The following TRIP10 variants were observed in gnomAD, a reference collection of about 807,000 sequenced individuals.
The protein encoded by TRIP10 is cdc42-interacting protein 4.
TRIP10 carries 54 observed loss-of-function variants against 80.9 expected under a neutral mutation model. The ratio of observed to expected loss-of-function variants is 0.67; its 90% CI spans 0.54 to 0.84. The LOEUF (loss-of-function observed/expected upper bound fraction) is 0.84. Ranked by LOEUF, TRIP10 falls within the 40% of genes least tolerant of loss-of-function variation. TRIP10 has a pLI of 0.00. For synonymous variants in TRIP10, 321 were observed against 307.2 expected, an observed-to-expected ratio of 1.04 and a Z score of -0.47; for missense variants, 773 against 815.3, an observed-to-expected ratio of 0.95 and a Z score of 0.63.
rs756791983 is a variant in TRIP10, at chr19:6,750,538, G to C, written c.1562G>C (p.Ser521Thr). Residue 521 changes from serine (S) to threonine (T), a missense_variant, in exon 14 of 15, where the codon AGC becomes ACC. Coordinates refer to ENST00000313244, the MANE Select transcript of TRIP10 (RefSeq NM_001288962.2). The stretch of plus-strand genomic sequence containing the variant: ...TCTGAAGAGCCTCCCTCAGAAGAGA[G>C]CCAGGACACCCCCATTTACACGGAG... ...ESSEEPPSEE[S>T]QDTPIYTEFD... is the part of the protein sequence containing the mutation. The C allele has an allele frequency of 2.5e-6, 4 of 1,614,218 alleles. No individual in the cohort carries two copies. The highest frequency in any genetic ancestry group is 3.4e-6 in the Non-Finnish European group (4 of 1,180,034).
intron 6 of TRIP10, 51 bp downstream of exon 6, chr19:6,743,649 G>C: frequency 1.9e-6 from 3 of 1,611,646 alleles, no homozygotes; most frequent in Non-Finnish European, 2.5e-6. Context: ...ACAAGCTTGG[G>C]GAGTCCGAGT....
At position 6,749,946 on chromosome 19, in the gene TRIP10, GAA is replaced by G; in HGVS notation, c.1278_1279del (p.Lys426AsnfsTer6). 1 of 1,614,004 alleles carries G rather than the reference GAA, an allele frequency of 6.2e-7. No homozygotes were observed. The highest frequency in any genetic ancestry group is 8.5e-7 in the Non-Finnish European group (1 of 1,179,960). On this transcript the variant is annotated frameshift_variant, in exon 12 of 15. Transcript: ENST00000313244. LOFTEE classifies it high-confidence loss of function. ...KEVDQREALK[K>X]MKDVYEKTPQ... Reference sequence around the variant, plus strand: ...TCCCTTGTCATAGGGAAGCCCTAAAGAAAATGAAGGATGTCTATGAGAAGACA... The same window carrying G: ...TCCCTTGTCATAGGGAAGCCCTAAAGAATGAAGGATGTCTATGAGAAGACA...
rs573741547 is a variant in TRIP10, at chr19:6,746,256, C to T, written c.1152+60C>T. On this transcript the variant is annotated intron_variant, in intron 10 of 14. Coordinates refer to ENST00000313244, the MANE Select transcript of TRIP10 (RefSeq NM_001288962.2). The surrounding 1 kb of genome is among the most constrained non-coding windows in gnomAD (Gnocchi z 6.2). ...CCCTAGCCTGCCCAGCGGCGGGTGG[C>T]GGGACCCTGGGCTCGCTTCCTGCCG... The T allele has an allele frequency of 3.6e-5, 53 of 1,482,418 alleles. No homozygotes were observed. The highest frequency in any genetic ancestry group is 4.7e-5 in the Non-Finnish European group (52 of 1,110,642). 91.8% of individuals were successfully genotyped at this position (1,482,418 alleles called of 1,614,324 possible).
At chr19:6,743,428 C>T (rs1030493290) in intron 5 of TRIP10, 66 bp from the exon 6 acceptor site, 2 of 1,582,514 alleles carry the variant, frequency 1.3e-6, no homozygotes, top group African/African-American at 1.3e-5. Context: ...TCCCTGAAAC[C>T]TTGGTTTCCC....
Position 6,746,777 on chromosome 19 carries a change from C to T in TRIP10, c.1262+216C>T, listed in dbSNP as rs935725289. The stretch of plus-strand genomic sequence containing the variant: ...AAGCAATTCTTGTGCCTCAGCCTGC[C>T]GATTAGCTAGGACCACAGGCATGCA... On this transcript the variant is annotated intron_variant, in intron 11 of 14. Coordinates refer to ENST00000313244, the MANE Select transcript of TRIP10 (RefSeq NM_001288962.2). This position sits in a 1 kb window ranked among gnomAD's most constrained non-coding sequence, Gnocchi z 6.2. 2.0e-5 allele frequency among the ~76,000 whole-genome samples: 3 copies of T among 152,072 alleles called. No homozygotes were observed. Among genetic ancestry groups the T allele is most frequent in the African/African-American group, 7.3e-5 (3 of 41,374 alleles).
chr19:6,749,581 G>C (rs1427426557), intron 11 of TRIP10, among the ~76,000 whole-genome samples: 1 of 151,014 alleles, frequency 6.6e-6, no homozygotes. Flanking sequence ...ATCACATGGA[G>C]CCCGGTGCTG....
rs558872706 is a variant in TRIP10 at position 6,745,447 on chromosome 19, T to G, written c.984+453T>G. 3.7e-4 allele frequency among the ~76,000 whole-genome samples: 57 copies of G among 152,262 alleles called. No individual in the cohort carries two copies. The highest frequency in any genetic ancestry group is 1.4e-3 in the African/African-American group (57 of 41,544). ...TTTATACTTTGGGTCCCTCTTCACTTACACTCTCATACCTCTCCTTGACTT... is the reference window on the plus strand; with the variant it reads ...TTTATACTTTGGGTCCCTCTTCACTGACACTCTCATACCTCTCCTTGACTT... On this transcript the variant is annotated intron_variant, in intron 9 of 14. Coordinates refer to ENST00000313244, the MANE Select transcript of TRIP10 (RefSeq NM_001288962.2). The surrounding 1 kb of genome is among the most constrained non-coding windows in gnomAD (Gnocchi z 7.2).
Position 6,745,779 on chromosome 19 carries a change from A to G in TRIP10, c.985-250A>G, listed in dbSNP as rs940147227. On this transcript the variant is annotated intron_variant, in intron 9 of 14. Coordinates refer to ENST00000313244, the MANE Select transcript of TRIP10 (RefSeq NM_001288962.2). The surrounding 1 kb of genome is among the most constrained non-coding windows in gnomAD (Gnocchi z 7.2). ...CTGGCTTTCGGGCTTACAGTTCAAC[A>G]TCCTCCCCGCCACCTTCCAGATTTT... The G allele has an allele frequency of 6.1e-6, 6 of 984,000 alleles. No individual in the cohort carries two copies. The highest frequency in any genetic ancestry group is 5.2e-4 in the Middle Eastern group (1 of 1,936). The allele number at this position is 984,000 out of a possible 1,614,324, so 61.0% of individuals were successfully genotyped here.
chr19:6,743,237 G>T lies in TRIP10; in HGVS notation c.389G>T (p.Gly130Val). ...GRRAQQQLEN[G>V]FKQLENSKRK... Reference sequence around the variant, plus strand: ...CGGGCCCAGCAGCAGCTGGAAAATGGCTTTAAACAGCTGGAGAATGTGAGT... The same window carrying T: ...CGGGCCCAGCAGCAGCTGGAAAATGTCTTTAAACAGCTGGAGAATGTGAGT... Residue 130 changes from glycine to valine, a missense_variant, in exon 5 of 15, where the codon GGC becomes GTC. Transcript: ENST00000313244. 6.2e-7 allele frequency: 1 copy of T among 1,613,870 alleles called. No individual in the cohort carries two copies. Among genetic ancestry groups the T allele is most frequent in the Middle Eastern group, 1.7e-4 (1 of 5,858 alleles).
chr19:6,750,316 C>T lies in TRIP10; in HGVS notation c.1420C>T (p.Arg474Ter). 4 of 1,614,070 alleles carry T rather than the reference C, an allele frequency of 2.5e-6. No individual in the cohort carries two copies. The highest frequency in any genetic ancestry group is 1.3e-5 in the African/African-American group (1 of 75,048). ...GGCGTGGCTGGCAGAAGCTGAAAGT[C>T]GAGTCCTTAGCAACCGGGGAGACAG... ...YEAWLAEAESRVLSNRGDSLS... is the reference protein window; with the variant it reads ...YEAWLAEAES Residue 474 changes from arginine to a stop codon, truncating the protein, a stop_gained, in exon 13 of 15, where the codon CGA (arginine) becomes TGA (stop). Coordinates refer to ENST00000313244, the MANE Select transcript of TRIP10 (RefSeq NM_001288962.2). LOFTEE classifies it high-confidence loss of function.
rs1191965166 is a variant in TRIP10, at chr19:6,746,968, C to T, written c.1262+407C>T. On this transcript the variant is annotated intron_variant, in intron 11 of 14. Coordinates refer to ENST00000313244, the MANE Select transcript of TRIP10 (RefSeq NM_001288962.2). This position sits in a 1 kb window ranked among gnomAD's most constrained non-coding sequence, Gnocchi z 6.2. Reference sequence around the variant, plus strand: ...GTAAATGAATGACATTTAAATGGTACTCAAAGATCTCCCCAATAATCCCAA... The same window carrying T: ...GTAAATGAATGACATTTAAATGGTATTCAAAGATCTCCCCAATAATCCCAA... 6.6e-6 allele frequency among the ~76,000 whole-genome samples: 1 copy of T among 152,172 alleles called. No individual in the cohort carries two copies. The highest frequency in any genetic ancestry group is 1.5e-5 in the Non-Finnish European group (1 of 68,026).
intron 14 of TRIP10, among the ~76,000 whole-genome samples, 199 bp from the exon 15 acceptor site, chr19:6,750,864 C>T (rs537285597): frequency 1.1e-4 from 16 of 152,246 alleles, no homozygotes; most frequent in East Asian, 9.7e-4. Flanking sequence ...GGTGTGGTGG[C>T]GCACGCCTGT....
chr19:6,741,375 C>T (rs1363758470), intron 3 of TRIP10, 94 bp downstream of exon 3: 2 of 1,389,730 alleles, frequency 1.4e-6, no homozygotes, highest in Non-Finnish European at 2.0e-6. Context: ...CCCCACCGCT[C>T]CTCTCACTTC....
chr19:6,743,900 G>T (rs571920790), intron 7 of TRIP10, 64 bp downstream of exon 7: 2 of 1,586,524 alleles, frequency 1.3e-6, no homozygotes, highest in African/African-American at 1.4e-5. Flanking sequence ...CAACTCCTAC[G>T]CATTCATCAA....
intron 14 of TRIP10, 53 bp from the exon 15 acceptor site, chr19:6,751,010 A>C: frequency 6.8e-7 from 1 of 1,465,892 alleles, no homozygotes; most frequent in African/African-American, 1.5e-5. Context: ...AAAAAATAAA[A>C]ATAATAAATT....
chr19:6,745,052 G>A lies in TRIP10; in HGVS notation c.984+58G>A, dbSNP rs1342544116. On this transcript the variant is annotated intron_variant, in intron 9 of 14. Coordinates refer to ENST00000313244, the MANE Select transcript of TRIP10 (RefSeq NM_001288962.2). The surrounding 1 kb of genome is among the most constrained non-coding windows in gnomAD (Gnocchi z 7.2). ...GAAGGACAGTGAAGTGGGGACAGTG[G>A]GGCCCCTATTGAGTCAGCCCCAGCC... The A allele has an allele frequency of 6.4e-7, 1 of 1,561,552 alleles. No homozygotes were observed. Among genetic ancestry groups the A allele is most frequent in the Non-Finnish European group, 8.7e-7 (1 of 1,155,684 alleles).
In TRIP10 at chr19:6,745,507, C is replaced by A. The variant is rs948993567; in HGVS notation, c.984+513C>A. On this transcript the variant is annotated intron_variant, in intron 9 of 14. Coordinates refer to ENST00000313244, the MANE Select transcript of TRIP10 (RefSeq NM_001288962.2). The surrounding 1 kb of genome is among the most constrained non-coding windows in gnomAD (Gnocchi z 7.2). ...GATCCCCGAGCTTAAACTTCTGATG[C>A]CCCTAACCCCTCTCATTTTCCTGCC... is the stretch of plus-strand genomic sequence containing the variant. 3.2e-6 allele frequency: 3 copies of A among 936,376 alleles called. No homozygotes were observed. Among genetic ancestry groups the A allele is most frequent in the Admixed American group, 6.2e-5 (1 of 16,182 alleles). The allele number at this position is 936,376 out of a possible 1,614,324, so 58.0% of individuals were successfully genotyped here.
chr19:6,743,962 A>G (rs895268669), intron 7 of TRIP10, 126 bp downstream of exon 7: 3 of 1,278,874 alleles, frequency 2.3e-6, no homozygotes, highest in Admixed American at 2.2e-5. Flanking sequence ...TCAGAAACCT[A>G]TAGTAACAGT....
At position 6,744,633 on chromosome 19, in the gene TRIP10, TG is replaced by T; in HGVS notation, c.724del (p.Val242CysfsTer3). 1.2e-6 allele frequency: 2 copies of T among 1,613,276 alleles called. No individual in the cohort carries two copies. Among genetic ancestry groups the T allele is most frequent in the Non-Finnish European group, 1.7e-6 (2 of 1,179,716 alleles). On this transcript the variant is annotated frameshift_variant, in exon 8 of 15. Transcript: ENST00000313244. LOFTEE classifies it high-confidence loss of function. This position sits in a 1 kb window ranked among gnomAD's most constrained non-coding sequence, Gnocchi z 4.9. ...CTCCTGTCGGAGGCCGAGCTGGAGG[TG>T]GTGCCCATAATAGCCAAGTGCTTGG... ...YGLLSEAELE[V>X]VPIIAKCLEG...
Sources: allele counts gnomAD v4.1 joint callset (sites outside exome capture counted in the v4.1 genomes callset), GRCh38; gene constraint gnomAD v4.1.1; non-coding constraint Gnocchi (gnomAD v3.1); transcripts MANE v1.5; gene names NCBI Gene and HGNC (gene_info 2026-07-23, HGNC 2026-07-21).